Variants in NLRP1 observed in about 807,000 individuals in gnomAD.
NLRP1 encodes the protein NACHT, LRR and PYD domains-containing protein 1.
NLRP1 carries 94 observed loss-of-function variants against 136.7 expected under a neutral mutation model. The ratio of observed to expected loss-of-function variants is 0.69; its 90% CI spans 0.58 to 0.82. NLRP1 has a LOEUF of 0.82. Ranked by LOEUF, NLRP1 falls within the 40% of genes least tolerant of loss-of-function variation. NLRP1 has a pLI of 0.00. For missense variants in NLRP1, 1,575 were observed against 1,802.7 expected, an observed-to-expected ratio of 0.87 and a Z score of 2.29; for synonymous variants, 690 against 725.1, an observed-to-expected ratio of 0.95 and a Z score of 0.78.
chr17:5,533,852 C>T, intron 9 of NLRP1, 45 bp downstream of exon 9: 2 of 1,345,164 alleles, frequency 1.5e-6, no homozygotes, highest in Non-Finnish European at 2.1e-6. Context: ...GCTGACCTCC[C>T]CCAACCCCTG....
At chr17:5,511,355 C>A (rs113508637), downstream of NLRP1, among the ~76,000 whole-genome samples, 1,067 of 151,120 alleles carry the variant, frequency 7.1e-3, 9 homozygotes, top group African/African-American at 0.025. Context: ...TCGTTTGAAC[C>A]CGGGAGGTGG....
At chr17:5,561,426 G>GTTTTTTTTTTTTTTTTTT (rs61194384) in intron 3 of NLRP1, among the ~76,000 whole-genome samples, 1 of 50,426 alleles carries the variant, frequency 2.0e-5, no homozygotes, top group African/African-American at 9.3e-5. Flanking sequence ...ATGCCATGTG[G>GTTTTTTTTTTTTTTTTTT]TTTTTTTTTT....
In NLRP1 at chr17:5,548,859, C is replaced by G. The variant is rs554210715; in HGVS notation, c.2528+4527G>C. Among the ~76,000 whole-genome samples, 8 of 152,296 alleles carry G rather than the reference C, an allele frequency of 5.3e-5. No homozygotes were observed. The South Asian group carries it at 1.0e-3, about 20-fold the overall frequency. Reference sequence around the variant, plus strand: ...CCTTTCATCTATGTGGCCCCTCCTTCTCAGGCTTGTTTGTTGGCTCTTCTT... The same window carrying G: ...CCTTTCATCTATGTGGCCCCTCCTTGTCAGGCTTGTTTGTTGGCTCTTCTT... On this transcript the variant is annotated intron_variant, in intron 5 of 16. Coordinates refer to ENST00000572272, the MANE Select transcript of NLRP1 (RefSeq NM_033004.4).
intron 5 of NLRP1, among the ~76,000 whole-genome samples, chr17:5,552,165 T>G (rs980904729): frequency 6.8e-6 from 1 of 148,052 alleles, no homozygotes; most frequent in African/African-American, 2.5e-5. Context: ...CTGCATTAGC[T>G]GCATCCAATA....
chr17:5,528,299 G>GC (rs1186213758), intron 12 of NLRP1, among the ~76,000 whole-genome samples: 4 of 152,214 alleles, frequency 2.6e-5, no homozygotes, highest in Non-Finnish European at 4.4e-5. Flanking sequence ...GTGGGAACAA[G>GC]TAACTTGTCC....
chr17:5,527,063 G>A (rs1044151130), intron 12 of NLRP1, among the ~76,000 whole-genome samples: 1 of 152,234 alleles, frequency 6.6e-6, no homozygotes, highest in South Asian at 2.1e-4. Context: ...TCTGGAAGGG[G>A]CCCTGCCCGG....
At chr17:5,507,304 C>G (rs1907393725) in intron 15 of NLRP1, among the ~76,000 whole-genome samples, 1 of 152,026 alleles carries the variant, frequency 6.6e-6, no homozygotes, top group African/African-American at 2.4e-5. Flanking sequence ...CTCAAACTGT[C>G]TTCAAATAAA....
intron 11 of NLRP1, among the ~76,000 whole-genome samples, chr17:5,532,419 T>TA (rs762241682): frequency 3.9e-5 from 6 of 152,228 alleles, no homozygotes; most frequent in African/African-American, 1.4e-4. Context: ...AAAAGGTTTT[T>TA]ATTTTTGTTT....
At chr17:5,527,708 T>C (rs1239383799) in intron 12 of NLRP1, among the ~76,000 whole-genome samples, 1 of 152,234 alleles carries the variant, frequency 6.6e-6, no homozygotes, top group Non-Finnish European at 1.5e-5. Context: ...ACAGTTCTTA[T>C]TGGCCAAGTT....
intron 15 of NLRP1, among the ~76,000 whole-genome samples, chr17:5,517,362 C>CCCCCCCCCCCCCG (rs78433357): frequency 9.7e-5 from 6 of 61,554 alleles, no homozygotes; most frequent in Non-Finnish European, 1.9e-4. Context: ...CCCCCCCCCT[C>CCCCCCCCCCCCCG]CCACATACAC....
intron 3 of NLRP1, among the ~76,000 whole-genome samples, chr17:5,562,744 T>C (rs10445293): frequency 0.58 from 88,761 of 152,142 alleles, 26,185 homozygotes; most frequent in African/African-American, 0.64. Context: ...CTCCCACCAG[T>C]GCCCTGCCCC....
intron 3 of NLRP1, among the ~76,000 whole-genome samples, chr17:5,576,463 A>T (rs1457130505): frequency 1.3e-5 from 2 of 152,358 alleles, no homozygotes; most frequent in African/African-American, 4.8e-5. Flanking sequence ...GATCCTACAG[A>T]AATACAAACT....
intron 11 of NLRP1, 129 bp downstream of exon 11, chr17:5,532,693 G>C: frequency 1.5e-6 from 1 of 689,362 alleles, no homozygotes. Context: ...TGTTGTCTTG[G>C]CAAGAGGAGG....
intron 3 of NLRP1, among the ~76,000 whole-genome samples, chr17:5,572,037 G>C (rs1473451658): frequency 6.6e-6 from 1 of 152,152 alleles, no homozygotes; most frequent in African/African-American, 2.4e-5. Context: ...GAGATAACTG[G>C]CTAGCCATAT....
downstream of NLRP1, among the ~76,000 whole-genome samples, chr17:5,513,273 T>G (rs1278024943): frequency 6.6e-6 from 1 of 152,208 alleles, no homozygotes; most frequent in African/African-American, 2.4e-5. Context: ...TTTCTTATTT[T>G]TTTAAAGAGA....
chr17:5,526,149 A>G (rs903761790), intron 12 of NLRP1, among the ~76,000 whole-genome samples: 1 of 151,712 alleles, frequency 6.6e-6, no homozygotes, highest in Non-Finnish European at 1.5e-5. Flanking sequence ...TAATTCTTCA[A>G]TATTTTTTTG....
chr17:5,501,890 C>A, intron 15 of NLRP1: 1 of 1,611,816 alleles, frequency 6.2e-7, no homozygotes, highest in Non-Finnish European at 8.5e-7. Flanking sequence ...GGAGGGAGAA[C>A]AATCACTTGG....
At chr17:5,518,901 C>T (rs1384775686) in intron 14 of NLRP1, among the ~76,000 whole-genome samples, 7 of 150,070 alleles carry the variant, frequency 4.7e-5, no homozygotes, top group Admixed American at 2.7e-4. Flanking sequence ...TGCAGTGGCA[C>T]GATCTCGGCT....
rs893719134 is a variant in NLRP1, at chr17:5,559,084, C to T, written c.1612G>A (p.Glu538Lys). The T allele has an allele frequency of 6.2e-7, 1 of 1,614,154 alleles. No individual in the cohort carries two copies. Among genetic ancestry groups the T allele is most frequent in the Non-Finnish European group, 8.5e-7 (1 of 1,180,020 alleles). ...GTCTTGGAAGTCAGTGTGAGTTTTT[C>T]CTTCCGCTTCATCTGCTGCATCAGG... Reference protein sequence around the residue: ...TCLMQQMKRKEKLTLTSKTTT... With the variant: ...TCLMQQMKRKKKLTLTSKTTT... The change falls in exon 4 of 17, where the codon GAA (glutamate) becomes AAA (lysine). Residue 538 changes from glutamate (E) to lysine (K), a missense_variant. Glu to Lys is a moderately conservative substitution (Grantham distance 56). Coordinates refer to ENST00000572272, the MANE Select transcript of NLRP1 (RefSeq NM_033004.4).
Sources: gnomAD v4.1 joint callset for allele counts (sites outside exome capture counted in the v4.1 genomes callset) on GRCh38, gnomAD v4.1.1 for gene constraint, MANE v1.5 for transcripts, NCBI Gene and HGNC (gene_info 2026-07-23, HGNC 2026-07-21) for gene names.